NIN: variants seen among roughly 807,000 people sequenced by gnomAD.
NIN encodes the protein ninein.
Under a neutral mutation model 257.6 loss-of-function variants are expected in NIN, and 137 were observed. That is an observed-to-expected ratio of 0.53 (90% confidence interval 0.46 to 0.61). NIN has a LOEUF of 0.61. NIN is among the 20% of genes least tolerant of loss of function. The probability of loss-of-function intolerance (pLI) is 0.00; values close to 1 mark genes in which losing one functional copy is unlikely to be tolerated. For synonymous variants in NIN, 918 were observed against 919.8 expected (o/e 1.00, Z 0.04); for missense variants, 2,439 against 2,501.2 (o/e 0.98, Z 0.53).
intron 24 of NIN, chr14:50,742,488 G>A (rs2041336012): frequency 6.6e-6 from 1 of 151,700 alleles, no homozygotes; most frequent in African/African-American, 2.4e-5. Context: ...CCGCCTCCCA[G>A]GTTCACGCCA....
At position 50,815,656 on chromosome 14, in the gene NIN, A is replaced by G. The variant is rs1032605699; in HGVS notation, c.183+6218T>C. 5.3e-5 allele frequency among the ~76,000 whole-genome samples: 8 copies of G among 152,224 alleles called. 1 individual carries two copies. Among genetic ancestry groups the G allele is most frequent in the African/African-American group, 1.9e-4 (8 of 41,458 alleles). ...GAATCAACCCAAATGCCCATCAATGATAGACTGGATAAAGAAAATGTGGTA... is the reference window on the plus strand; with the variant it reads ...GAATCAACCCAAATGCCCATCAATGGTAGACTGGATAAAGAAAATGTGGTA... On this transcript the variant is annotated intron_variant, in intron 3 of 30. Coordinates refer to ENST00000530997, the MANE Select transcript of NIN (RefSeq NM_020921.4).
intron 28 of NIN, among the ~76,000 whole-genome samples, chr14:50,734,356 T>G (rs1039544535): frequency 6.6e-6 from 1 of 152,154 alleles, no homozygotes; most frequent in Non-Finnish European, 1.5e-5. Flanking sequence ...CCTCCCAAAG[T>G]GCTGGGATTA....
At chr14:50,815,335 A>T (rs1199505688) in intron 3 of NIN, among the ~76,000 whole-genome samples, 1 of 152,236 alleles carries the variant, frequency 6.6e-6, no homozygotes, top group African/African-American at 2.4e-5. Flanking sequence ...CAAAACCACA[A>T]TGAGATGCCA....
chr14:50,757,739 CTT>C lies in NIN; in HGVS notation c.3289_3290del (p.Lys1097ValfsTer13). 1 of 1,614,174 alleles carries C rather than the reference CTT, an allele frequency of 6.2e-7. No homozygotes were observed. The highest frequency in any genetic ancestry group is 1.3e-5 in the African/African-American group (1 of 75,046). ...EISRLQQRLQKLEPGLVMSSC... is the reference protein window; with the variant it reads ...EISRLQQRLQXLEPGLVMSSC... ...AAGACATTACTAACCCTGGCTCTAA[CTT>C]TTGTAGCCTCTGTTGCAATCTAGAA... On this transcript the variant is annotated frameshift_variant, in exon 18 of 31. Coordinates refer to ENST00000530997, the MANE Select transcript of NIN (RefSeq NM_020921.4). LOFTEE classifies it high-confidence loss of function.
intron 20 of NIN, among the ~76,000 whole-genome samples, chr14:50,753,989 T>C (rs1242843005): frequency 2.0e-5 from 3 of 152,332 alleles, no homozygotes; most frequent in South Asian, 4.1e-4. Flanking sequence ...TAACACCTTG[T>C]CTATTTCAAG....
Position 50,722,901 on chromosome 14 carries a change from C to G in NIN, c.*562G>C, listed in dbSNP as rs1202465924. The G allele has an allele frequency of 4.7e-6, 1 of 214,362 alleles. No homozygotes were observed. The allele number at this position is 214,362 out of a possible 1,614,324, so 13.3% of individuals were successfully genotyped here. A position where few individuals can be genotyped will look rare whatever the true frequency, so the allele number is the denominator to read the frequency against. ...TCACAGGTGTTAGAAGGTTAGAATT[C>G]TACAGATTTGGGTTTGTCTGATGTC... On this transcript the variant is annotated 3_prime_UTR_variant, in exon 31 of 31. Coordinates refer to ENST00000530997, the MANE Select transcript of NIN (RefSeq NM_020921.4).
At chr14:50,765,130 G>A (rs980024218) in intron 14 of NIN, among the ~76,000 whole-genome samples, 4 of 151,568 alleles carry the variant, frequency 2.6e-5, no homozygotes, top group Non-Finnish European at 5.9e-5. Flanking sequence ...CCAGCTACTC[G>A]GGAGGCTGAG....
chr14:50,827,591 CA>C (rs11351454), intron 2 of NIN, among the ~76,000 whole-genome samples: 26,453 of 136,744 alleles, frequency 0.19, 2,420 homozygotes, highest in East Asian at 0.26. Flanking sequence ...ACTAAAAATA[CA>C]AAAAAAAAAA....
intron 2 of NIN, among the ~76,000 whole-genome samples, chr14:50,826,839 G>A (rs1341454055): frequency 2.0e-5 from 3 of 152,198 alleles, no homozygotes; most frequent in Admixed American, 2.0e-4. Context: ...AGAGCTCTGC[G>A]GAATGTCTGC....
chr14:50,743,516 C>T lies in NIN; in HGVS notation c.5201G>A (p.Ser1734Asn). Residue 1734 changes from serine to asparagine, a missense_variant, in exon 24 of 31, where the codon AGT (serine) becomes AAT (asparagine). By Grantham distance (46) the Ser-to-Asn change is conservative. Around this residue, in one of 3 missense-constraint regions of NIN, gnomAD observed 2,043 missense variants for 2,050.2 expected, o/e 1.00. Coordinates refer to ENST00000530997, the MANE Select transcript of NIN (RefSeq NM_020921.4). Reference sequence around the variant, plus strand: ...CGTCGCAATTCTATGCTCTAAAAGACTTGATTTTGCCAACTGTTTCAGGAA... The same window carrying T: ...CGTCGCAATTCTATGCTCTAAAAGATTTGATTTTGCCAACTGTTTCAGGAA... ...NSCVDKLAKSSLLEHRIATMK... is the reference protein window; with the variant it reads ...NSCVDKLAKSNLLEHRIATMK... 1.2e-6 allele frequency: 2 copies of T among 1,612,272 alleles called. No homozygotes were observed. The highest frequency in any genetic ancestry group is 1.1e-5 in the South Asian group (1 of 91,046).
At chr14:50,770,821 G>T in intron 11 of NIN, 31 bp downstream of exon 11, 1 of 1,600,898 alleles carries the variant, frequency 6.2e-7, no homozygotes. Flanking sequence ...AGGGTGGTGG[G>T]TGAGGAGGAG....
At chr14:50,749,400 G>A (rs552506670) in intron 21 of NIN, among the ~76,000 whole-genome samples, 1 of 152,198 alleles carries the variant, frequency 6.6e-6, no homozygotes, top group African/African-American at 2.4e-5. Context: ...CACAGGCATG[G>A]GCAAGGACTT....
chr14:50,722,789 T>C lies in NIN; in HGVS notation c.*674A>G. On this transcript the variant is annotated 3_prime_UTR_variant, in exon 31 of 31. Transcript: ENST00000530997. ...TTAAGAGAAAGAAGAAAAGGCTGTT[T>C]AAAGCAAGTAAGCTTTTAACATTAG... 4.7e-6 allele frequency: 1 copy of C among 211,042 alleles called. No individual in the cohort carries two copies. Among genetic ancestry groups the C allele is most frequent in the Non-Finnish European group, 9.6e-6 (1 of 103,800 alleles). 13.1% of individuals were successfully genotyped at this position (211,042 alleles called of 1,614,324 possible). A position where few individuals can be genotyped will look rare whatever the true frequency, so the allele number is the denominator to read the frequency against.
At chr14:50,765,093 TTAG>T (rs1224959475) in intron 14 of NIN, among the ~76,000 whole-genome samples, 5 of 81,738 alleles carry the variant, frequency 6.1e-5, no homozygotes, top group African/African-American at 8.2e-5. Context: ...AAAAAAAAAA[TTAG>T]GCGTTTGGCA....
intron 5 of NIN, among the ~76,000 whole-genome samples, chr14:50,789,470 G>A (rs1490605362): frequency 1.3e-5 from 2 of 152,212 alleles, no homozygotes; most frequent in Non-Finnish European, 2.9e-5. Context: ...CAGTAGGGAG[G>A]CTGAGGTGGA....
intron 5 of NIN, among the ~76,000 whole-genome samples, chr14:50,785,420 G>A (rs1049827874): frequency 2.6e-5 from 4 of 152,234 alleles, no homozygotes; most frequent in Non-Finnish European, 4.4e-5. Context: ...TTCTTACCCA[G>A]CAGAGGTTGC....
At chr14:50,780,330 C>A (rs991794017) in intron 5 of NIN, among the ~76,000 whole-genome samples, 2 of 152,164 alleles carry the variant, frequency 1.3e-5, no homozygotes, top group African/African-American at 4.8e-5. Context: ...AACAAATAAC[C>A]AGCACGTTTT....
At chr14:50,731,648 C>T (rs933982622) in intron 28 of NIN, among the ~76,000 whole-genome samples, 1 of 151,822 alleles carries the variant, frequency 6.6e-6, no homozygotes, top group African/African-American at 2.4e-5. Context: ...ATCCTGGCAA[C>T]GTGGTGAAAT....
At chr14:50,734,409 T>G (rs2040874219) in intron 28 of NIN, among the ~76,000 whole-genome samples, 1 of 152,136 alleles carries the variant, frequency 6.6e-6, no homozygotes, top group South Asian at 2.1e-4. Context: ...TTCTTATAAT[T>G]CTGGCTTAAC....
Sources: allele counts gnomAD v4.1 joint callset (sites outside exome capture counted in the v4.1 genomes callset), GRCh38; gene constraint gnomAD v4.1.1; regional missense constraint gnomAD v4.1.1; transcripts MANE v1.5; gene names NCBI Gene and HGNC (gene_info 2026-07-23, HGNC 2026-07-21).